The following NFASC variants were observed in gnomAD, a reference collection of about 807,000 sequenced individuals.
NFASC encodes the protein neurofascin homolog.
NFASC carries 43 observed loss-of-function variants against 147.5 expected under a neutral mutation model. That is an observed-to-expected ratio of 0.29 (90% CI 0.23 to 0.38). The LOEUF (loss-of-function observed/expected upper bound fraction) is 0.38, where lower values mean the gene tolerates loss of function less well. NFASC is among the 10% of genes least tolerant of loss of function. NFASC has a pLI of 1.00. For missense variants in NFASC, 1,320 were observed against 1,689.0 expected (o/e 0.78, Z 3.83); for synonymous variants, 622 against 665.5 (o/e 0.93, Z 1.01).
chr1:205,012,689 A>G, intron 28 of NFASC, 108 bp from the exon 29 acceptor site: 2 of 826,256 alleles, frequency 2.4e-6, no homozygotes, highest in East Asian at 2.4e-5. Flanking sequence ...AAAGAGTGTC[A>G]GTGAGCCCAG....
intron 1 of NFASC, among the ~76,000 whole-genome samples, chr1:204,869,869 A>G (rs1445493092): frequency 2.6e-5 from 4 of 152,184 alleles, no homozygotes; most frequent in South Asian, 2.1e-4. Context: ...ACTTTTTCTT[A>G]TCATTATAAA....
At chr1:204,964,855 AG>A (rs1216225876) in intron 8 of NFASC, among the ~76,000 whole-genome samples, 1 of 152,186 alleles carries the variant, frequency 6.6e-6, no homozygotes, top group Non-Finnish European at 1.5e-5. Context: ...CACTTGACAG[AG>A]GGGGGCAACT....
intron 1 of NFASC, among the ~76,000 whole-genome samples, chr1:204,884,763 G>T (rs2080977871): frequency 6.6e-6 from 1 of 152,140 alleles, no homozygotes; most frequent in South Asian, 2.1e-4. Flanking sequence ...ATATGATCAT[G>T]TGATAACATC....
At chr1:204,836,618 A>T (rs1161430239) in intron 1 of NFASC, among the ~76,000 whole-genome samples, 1 of 152,244 alleles carries the variant, frequency 6.6e-6, no homozygotes, top group Non-Finnish European at 1.5e-5. Context: ...ATAAATTTAT[A>T]TGCAAGACAT....
At chr1:204,950,602 C>T (rs1316384335) in intron 4 of NFASC, 28 bp downstream of exon 4, 1 of 1,609,468 alleles carries the variant, frequency 6.2e-7, no homozygotes, top group South Asian at 1.1e-5. Flanking sequence ...CTCTCTGTGC[C>T]TCTGGGAGTT....
chr1:204,870,687 CGGCCGAGGGAGG>C, intron 1 of NFASC: 1 of 1,080,244 alleles, frequency 9.3e-7, no homozygotes, highest in South Asian at 2.8e-5. Flanking sequence ...GTGAGCAAGC[CGGCCGAGGGAGG>C]GGTGAGTGGT....
intron 1 of NFASC, among the ~76,000 whole-genome samples, chr1:204,846,162 G>A (rs1240739189): frequency 6.6e-6 from 1 of 150,388 alleles, no homozygotes; most frequent in East Asian, 2.0e-4. Flanking sequence ...TTTGAGGCCA[G>A]CCAGAGCAAG....
At position 204,880,598 on chromosome 1, in the gene NFASC, C is replaced by T. The variant is rs145645074; in HGVS notation, c.-199-40034C>T. 1.5e-3 allele frequency among the ~76,000 whole-genome samples: 227 copies of T among 152,250 alleles called. 1 individual carries two copies. Among genetic ancestry groups the T allele is most frequent in the African/African-American group, 4.7e-3 (195 of 41,554 alleles). ...TCTCGATCTCCTGACGTGCTGCACC[C>T]GCCTCAGTCTCCCAAAGTGCTGGGA... On this transcript the variant is annotated intron_variant, in intron 1 of 29. Transcript: ENST00000339876.
At chr1:204,913,545 C>T (rs2088271670) in intron 1 of NFASC, among the ~76,000 whole-genome samples, 1 of 152,110 alleles carries the variant, frequency 6.6e-6, no homozygotes, top group Admixed American at 6.5e-5. Flanking sequence ...TTGAAGATGA[C>T]ATTTCAAACC....
intron 21 of NFASC, among the ~76,000 whole-genome samples, chr1:204,983,167 C>A (rs909789892): frequency 2.0e-5 from 3 of 152,186 alleles, no homozygotes; most frequent in African/African-American, 7.2e-5. Flanking sequence ...GCGGCCCACG[C>A]TCTGATGGAT....
intron 1 of NFASC, among the ~76,000 whole-genome samples, chr1:204,847,986 A>G (rs1466800812): frequency 2.6e-5 from 4 of 152,190 alleles, no homozygotes; most frequent in African/African-American, 9.6e-5. Context: ...TTGGGGTGGC[A>G]GTAGGGAACT....
chr1:204,843,654 C>CCCTCCCTCCCTTCCTT, intron 1 of NFASC, among the ~76,000 whole-genome samples: 1 of 97,170 alleles, frequency 1.0e-5, no homozygotes, highest in South Asian at 4.2e-4. Context: ...CTCCCTCCCT[C>CCCTCCCTCCCTTCCTT]CCTTCCTTCC....
chr1:204,852,415 T>C (rs1241339127), intron 1 of NFASC, among the ~76,000 whole-genome samples: 1 of 152,160 alleles, frequency 6.6e-6, no homozygotes, highest in African/African-American at 2.4e-5. Flanking sequence ...CAGGAGAATC[T>C]CTGGAACCTG....
intron 1 of NFASC, among the ~76,000 whole-genome samples, chr1:204,853,687 C>T (rs2075892952): frequency 6.6e-6 from 1 of 152,212 alleles, no homozygotes; most frequent in African/African-American, 2.4e-5. Flanking sequence ...ATACCAGCCC[C>T]CTATATTGCA....
intron 7 of NFASC, among the ~76,000 whole-genome samples, chr1:204,956,671 T>C (rs769424155): frequency 6.6e-6 from 1 of 152,210 alleles, no homozygotes; most frequent in Non-Finnish European, 1.5e-5. Context: ...CACCAGCACC[T>C]AGCACAGTGC....
At chr1:204,840,330 C>T (rs1674956514) in intron 1 of NFASC, among the ~76,000 whole-genome samples, 1 of 152,166 alleles carries the variant, frequency 6.6e-6, no homozygotes, top group African/African-American at 2.4e-5. Context: ...AAATTGCAAT[C>T]TCTGAGGGTT....
At position 204,928,526 on chromosome 1, in the gene NFASC, G is replaced by A. The variant is rs188491942; in HGVS notation, c.-91+7786G>A. Among the ~76,000 whole-genome samples, 6 of 152,284 alleles carry A rather than the reference G, an allele frequency of 3.9e-5. No homozygotes were observed. In the East Asian group the frequency reaches 1.2e-3, roughly 29 times the overall value. Reference sequence around the variant, plus strand: ...CCAAGCTCCAGTTAGTGGGCCTTGGGTCAAAGAGACAGCATGAAGCAGCAA... The same window carrying A: ...CCAAGCTCCAGTTAGTGGGCCTTGGATCAAAGAGACAGCATGAAGCAGCAA... On this transcript the variant is annotated intron_variant, in intron 2 of 29. Coordinates refer to ENST00000339876, the MANE Select transcript of NFASC (RefSeq NM_001005388.3).
chr1:204,974,343 C>T, intron 13 of NFASC, 53 bp downstream of exon 13: 1 of 1,387,494 alleles, frequency 7.2e-7, no homozygotes, highest in Non-Finnish European at 1.0e-6. Context: ...GTCTCATCTT[C>T]TCCTTCCCAT....
chr1:204,902,900 G>T lies in NFASC; in HGVS notation c.-199-17732G>T, dbSNP rs578029367. The stretch of plus-strand genomic sequence containing the variant: ...CATAAATTAAAAGTGAGGCCAGACG[G>T]CAGGGAGGTATGTGTGAATGTATTT... On this transcript the variant is annotated intron_variant, in intron 1 of 29. Transcript: ENST00000339876. 6.7e-4 allele frequency among the ~76,000 whole-genome samples: 102 copies of T among 152,330 alleles called. 1 individual carries two copies. Among genetic ancestry groups the T allele is most frequent in the African/African-American group, 2.4e-3 (99 of 41,588 alleles).
Sources: gnomAD v4.1 joint callset for allele counts (sites outside exome capture counted in the v4.1 genomes callset) on GRCh38, gnomAD v4.1.1 for gene constraint, MANE v1.5 for transcripts, NCBI Gene and HGNC (gene_info 2026-07-23, HGNC 2026-07-21) for gene names.